KCNIP4: variants seen among roughly 807,000 people sequenced by gnomAD.
KCNIP4 encodes the protein potassium voltage-gated channel interacting protein 4, also known as Kv channel-interacting protein 4.
KCNIP4 carries 12 observed loss-of-function variants against 34.0 expected under a neutral mutation model. The ratio of observed to expected loss-of-function variants is 0.35; its 90% CI spans 0.23 to 0.57. The LOEUF (loss-of-function observed/expected upper bound fraction) is 0.57. Ranked by LOEUF, KCNIP4 falls within the 20% of genes least tolerant of loss-of-function variation. The pLI is 0.83. For missense variants in KCNIP4, 238 were observed against 311.7 expected (o/e 0.76, Z 1.78); for synonymous variants, 124 against 102.2 (o/e 1.21, Z -1.29).
intron 1 of KCNIP4, among the ~76,000 whole-genome samples, chr4:21,174,688 T>C (rs982829664): frequency 1.3e-5 from 2 of 151,940 alleles, no homozygotes; most frequent in Admixed American, 1.3e-4. Flanking sequence ...TCACCTGGGG[T>C]CAGGAACTCA....
chr4:21,552,564 T>A (rs1234551778), intron 1 of KCNIP4, among the ~76,000 whole-genome samples: 1 of 152,120 alleles, frequency 6.6e-6, no homozygotes, highest in South Asian at 2.1e-4. Flanking sequence ...TCTGGACTAT[T>A]TCTTGCCTGT....
At chr4:21,319,468 T>A (rs969494143) in intron 1 of KCNIP4, among the ~76,000 whole-genome samples, 3 of 152,234 alleles carry the variant, frequency 2.0e-5, no homozygotes, top group Non-Finnish European at 4.4e-5. Context: ...AATCTTTTCC[T>A]AGAAACTCTT....
chr4:21,144,055 T>C (rs1752176269), intron 1 of KCNIP4, among the ~76,000 whole-genome samples: 1 of 152,152 alleles, frequency 6.6e-6, no homozygotes, highest in Non-Finnish European at 1.5e-5. Context: ...TCCCCTTGAG[T>C]GAGTGTACAG....
intron 1 of KCNIP4, among the ~76,000 whole-genome samples, chr4:20,967,560 T>C (rs1734486465): frequency 6.6e-6 from 1 of 152,194 alleles, no homozygotes; most frequent in Non-Finnish European, 1.5e-5. Flanking sequence ...CAAAACAGCA[T>C]GGTACTTGTA....
chr4:21,621,678 A>C (rs1331549185), intron 1 of KCNIP4, among the ~76,000 whole-genome samples: 3 of 152,040 alleles, frequency 2.0e-5, no homozygotes. Flanking sequence ...TTTAATAGAC[A>C]AAAAGGCAAA....
At chr4:21,249,434 A>G (rs1051179295) in intron 1 of KCNIP4, among the ~76,000 whole-genome samples, 25 of 152,058 alleles carry the variant, frequency 1.6e-4, no homozygotes, top group Admixed American at 1.6e-3. Context: ...TCTTCCTCTA[A>G]CCTTGGAATC....
At chr4:21,321,114 C>A (rs959237831) in intron 1 of KCNIP4, among the ~76,000 whole-genome samples, 2 of 152,010 alleles carry the variant, frequency 1.3e-5, no homozygotes, top group Non-Finnish European at 2.9e-5. Context: ...TCAGTAAGAA[C>A]TTATTCTGCA....
chr4:20,943,124 A>ATT (rs5856588), intron 1 of KCNIP4, among the ~76,000 whole-genome samples: 148 of 152,122 alleles, frequency 9.7e-4, no homozygotes, highest in Non-Finnish European at 1.7e-3. Context: ...CAGGCATTGC[A>ATT]TTTTTTTATT....
At chr4:21,192,473 AAAAT>A (rs1161134015) in intron 1 of KCNIP4, among the ~76,000 whole-genome samples, 1 of 152,184 alleles carries the variant, frequency 6.6e-6, no homozygotes, top group African/African-American at 2.4e-5. Context: ...TCAAAAGAGA[AAAAT>A]TAACAGAGCC....
chr4:20,743,701 T>C (rs909639557), intron 5 of KCNIP4, among the ~76,000 whole-genome samples: 5 of 152,108 alleles, frequency 3.3e-5, no homozygotes, highest in Non-Finnish European at 7.4e-5. Flanking sequence ...ATTCAGGACA[T>C]AGGCATGGGC....
intron 1 of KCNIP4, among the ~76,000 whole-genome samples, chr4:21,123,906 AC>A (rs1391027563): frequency 6.6e-6 from 1 of 152,178 alleles, no homozygotes; most frequent in Non-Finnish European, 1.5e-5. Context: ...CCACGCTGGC[AC>A]CCTGTGCTCA....
rs142752722 is a variant in KCNIP4 at position 21,224,734 on chromosome 4, G to A, written c.62-342025C>T. On this transcript the variant is annotated intron_variant, in intron 1 of 8. Coordinates refer to ENST00000382152, the MANE Select transcript of KCNIP4 (RefSeq NM_025221.6). ...CCCAAGTAGCTGGGATTATAGATGC[G>A]CACCACCATGCCTGGCTAATTTTTG... Among the ~76,000 whole-genome samples the A allele has an allele frequency of 5.5e-3, 835 of 151,406 alleles. 2 individuals are homozygous for A. The highest frequency in any genetic ancestry group is 0.019 in the East Asian group (96 of 5,124).
At chr4:21,490,895 G>A (rs1197328936) in intron 1 of KCNIP4, among the ~76,000 whole-genome samples, 1 of 152,048 alleles carries the variant, frequency 6.6e-6, no homozygotes, top group Non-Finnish European at 1.5e-5. Flanking sequence ...TGGAATTTAA[G>A]GAATGTCCTC....
At chr4:21,362,047 C>G (rs13137692) in intron 1 of KCNIP4, among the ~76,000 whole-genome samples, 16,567 of 152,026 alleles carry the variant, frequency 0.11, 1,473 homozygotes, top group East Asian at 0.26. Flanking sequence ...GTAAGCAAGA[C>G]AGTACCCATG....
At chr4:21,178,857 C>T (rs974953647) in intron 1 of KCNIP4, among the ~76,000 whole-genome samples, 6 of 145,208 alleles carry the variant, frequency 4.1e-5, no homozygotes, top group Non-Finnish European at 7.4e-5. Flanking sequence ...TCATTCATTG[C>T]TCAGGTTGCA....
At chr4:21,217,877 G>C (rs1389644093) in intron 1 of KCNIP4, among the ~76,000 whole-genome samples, 3 of 151,950 alleles carry the variant, frequency 2.0e-5, no homozygotes, top group Admixed American at 1.3e-4. Flanking sequence ...GAGAGAAAAG[G>C]ACAGGGTTAA....
At chr4:20,962,760 A>T (rs1355360303) in intron 1 of KCNIP4, among the ~76,000 whole-genome samples, 3 of 152,242 alleles carry the variant, frequency 2.0e-5, no homozygotes, top group African/African-American at 7.2e-5. Context: ...AGAAAAATGT[A>T]TAGATGAGCG....
chr4:21,034,835 G>A (rs1185087871), intron 1 of KCNIP4, among the ~76,000 whole-genome samples: 1 of 152,182 alleles, frequency 6.6e-6, no homozygotes, highest in Non-Finnish European at 1.5e-5. Context: ...ACAGCTCTTG[G>A]AGTTAGGTAA....
intron 1 of KCNIP4, among the ~76,000 whole-genome samples, chr4:21,752,567 TC>T (rs1201594628): frequency 6.6e-6 from 1 of 151,672 alleles, no homozygotes; most frequent in Admixed American, 6.6e-5. Flanking sequence ...CCTAACCATA[TC>T]ACATGGGTAC....
Sources: gnomAD v4.1 joint callset for allele counts (sites outside exome capture counted in the v4.1 genomes callset) on GRCh38, gnomAD v4.1.1 for gene constraint, MANE v1.5 for transcripts, NCBI Gene and HGNC (gene_info 2026-07-23, HGNC 2026-07-21) for gene names.